PNPLA7: variants seen among roughly 807,000 people sequenced by gnomAD.
The protein encoded by PNPLA7 is patatin-like phospholipase domain-containing protein 7.
Under a neutral mutation model 161.7 loss-of-function variants are expected in PNPLA7, and 153 were observed. That is an observed-to-expected ratio of 0.95 (90% CI 0.83 to 1.08). The LOEUF (loss-of-function observed/expected upper bound fraction) is 1.08. PNPLA7 is among the 50% of genes least tolerant of loss of function. The probability of loss-of-function intolerance (pLI) is 0.00; values close to 1 mark genes in which losing one functional copy is unlikely to be tolerated. For missense variants in PNPLA7, 1,739 were observed against 1,856.6 expected, an observed-to-expected ratio of 0.94 and a Z score of 1.16; for synonymous variants, 809 against 782.1, an observed-to-expected ratio of 1.03 and a Z score of -0.57.
At chr9:137,521,273 A>G (rs1298915604) in intron 10 of PNPLA7, among the ~76,000 whole-genome samples, 1 of 152,200 alleles carries the variant, frequency 6.6e-6, no homozygotes. Flanking sequence ...CTCATCACAG[A>G]GTCCTGAATG....
chr9:137,470,052 G>T (rs949841902), intron 25 of PNPLA7, among the ~76,000 whole-genome samples: 1 of 151,962 alleles, frequency 6.6e-6, no homozygotes, highest in East Asian at 1.9e-4. Flanking sequence ...TTTAGACAGG[G>T]TCTAGCTCTC....
At chr9:137,484,912 G>C (rs1373613002) in intron 20 of PNPLA7, among the ~76,000 whole-genome samples, 176 bp from the exon 21 acceptor site, 1 of 151,684 alleles carries the variant, frequency 6.6e-6, no homozygotes, top group Non-Finnish European at 1.5e-5. Context: ...CCAGTCCTGA[G>C]GCTGCCTGGA....
At chr9:137,510,185 G>A (rs28490870) in intron 12 of PNPLA7, among the ~76,000 whole-genome samples, 15 of 152,206 alleles carry the variant, frequency 9.9e-5, no homozygotes, top group Admixed American at 7.8e-4. Context: ...TTAGCAGACC[G>A]GGAAAGGGAG....
chr9:137,474,575 T>A (rs1831853929), intron 25 of PNPLA7, among the ~76,000 whole-genome samples: 1 of 152,148 alleles, frequency 6.6e-6, no homozygotes, highest in African/African-American at 2.4e-5. Context: ...ACCTCAGAGA[T>A]GTTTTAGCAG....
In PNPLA7 at chr9:137,498,134, C is replaced by T. The variant is rs758375244; in HGVS notation, c.1869G>A (p.Glu623=). The change falls in exon 17 of 35, where the codon GAG becomes GAA. Residue 623 remains glutamate, a synonymous_variant. Transcript: ENST00000406427. The part of the protein sequence containing the change: ...IDFALDWVEV[E]AGRAIYRQGD... ...CTCACCTGTATATTGCTCGCCCGGC[C>T]TCCACCTCCACCCAGTCCAGGGCAA... is the stretch of plus-strand genomic sequence containing the variant. 4 of 1,612,972 alleles carry T rather than the reference C, an allele frequency of 2.5e-6. No individual in the cohort carries two copies. The highest frequency in any genetic ancestry group is 3.4e-6 in the Non-Finnish European group (4 of 1,179,974).
chr9:137,510,916 G>T (rs995538244), intron 12 of PNPLA7, among the ~76,000 whole-genome samples: 1 of 152,232 alleles, frequency 6.6e-6, no homozygotes, highest in African/African-American at 2.4e-5. Context: ...TTCGAAATAG[G>T]ATATAGAGAT....
chr9:137,513,476 CAA>C (rs11422303), intron 12 of PNPLA7, among the ~76,000 whole-genome samples: 10 of 122,436 alleles, frequency 8.2e-5, no homozygotes, highest in Non-Finnish European at 1.2e-4. Context: ...AACTCTGTCA[CAA>C]AAAAAAAAAA....
intron 29 of PNPLA7, 48 bp from the exon 30 acceptor site, chr9:137,462,881 C>T (rs894636571): frequency 6.2e-7 from 1 of 1,604,080 alleles, no homozygotes; most frequent in African/African-American, 1.3e-5. Context: ...CATGCAGAGC[C>T]AGGGGACGGG....
chr9:137,494,996 C>T, intron 19 of PNPLA7, 37 bp downstream of exon 19: 1 of 1,560,266 alleles, frequency 6.4e-7, no homozygotes, highest in Non-Finnish European at 8.8e-7. Flanking sequence ...ACTCCACACC[C>T]TCATCCGCTC....
chr9:137,475,010 CAAAAAAAAAAAA>C (rs58417100), intron 25 of PNPLA7, among the ~76,000 whole-genome samples: 2 of 63,612 alleles, frequency 3.1e-5, no homozygotes, highest in Non-Finnish European at 5.5e-5. Flanking sequence ...GACTCTGCCT[CAAAAAAAAAAAA>C]AAAAAAAAAA....
intron 18 of PNPLA7, 29 bp from the exon 19 acceptor site, chr9:137,495,175 G>A (rs376451591): frequency 7.4e-5 from 114 of 1,545,866 alleles, no homozygotes; most frequent in Non-Finnish European, 9.1e-5. Context: ...TGCTGGGGCC[G>A]CGGGCTTGGG....
chr9:137,495,285 T>C (rs1832993620), intron 18 of PNPLA7, 139 bp from the exon 19 acceptor site: 1 of 613,046 alleles, frequency 1.6e-6, no homozygotes. Flanking sequence ...AGTCAGTGAG[T>C]GCTGGCGGGC....
intron 12 of PNPLA7, chr9:137,509,736 G>A (rs1260851699): frequency 4.4e-6 from 2 of 456,082 alleles, no homozygotes; most frequent in African/African-American, 2.0e-5. Context: ...ACAGCAGTCG[G>A]ATGAGGCTGA....
chr9:137,461,328 T>A (rs1179149950), intron 33 of PNPLA7: 1 of 516,532 alleles, frequency 1.9e-6, no homozygotes, highest in Admixed American at 3.3e-5. Flanking sequence ...AGGGGCTGGG[T>A]GACCCGGGGT....
chr9:137,462,398 C>G lies in PNPLA7; in HGVS notation c.3493-67G>C, dbSNP rs561218312. On this transcript the variant is annotated intron_variant, in intron 30 of 34. Coordinates refer to ENST00000406427, the MANE Select transcript of PNPLA7 (RefSeq NM_001098537.3). Reference sequence around the variant, plus strand: ...TACCCCGTCCCAGCCTGGCCCGTGGCGCAGGACAGGTTCTGGGGACCCATC... The same window carrying G: ...TACCCCGTCCCAGCCTGGCCCGTGGGGCAGGACAGGTTCTGGGGACCCATC... The G allele has an allele frequency of 1.6e-5, 25 of 1,530,726 alleles. No homozygotes were observed. The South Asian group carries it at 2.9e-4, about 18-fold the overall frequency. 94.8% of individuals were successfully genotyped at this position (1,530,726 alleles called of 1,614,324 possible).
chr9:137,543,737 ACAGCACCTT>A lies in PNPLA7; in HGVS notation c.343_351del (p.Lys115_Leu117del). 1 of 1,614,070 alleles carries A rather than the reference ACAGCACCTT, an allele frequency of 6.2e-7. No homozygotes were observed. Among genetic ancestry groups the A allele is most frequent in the South Asian group, 1.1e-5 (1 of 91,086 alleles). On this transcript the variant is annotated inframe_deletion, in exon 5 of 35. Coordinates refer to ENST00000406427, the MANE Select transcript of PNPLA7 (RefSeq NM_001098537.3). The surrounding 1 kb of genome is among the most constrained non-coding windows in gnomAD (Gnocchi z 6.9). ...GACACACAGTACCTCTTGGCCAAAG[ACAGCACCTT>A]GGTCCTCTTCCTGGCCCGCTGCCGG...
intron 26 of PNPLA7, among the ~76,000 whole-genome samples, chr9:137,466,044 C>T (rs551559070): frequency 6.6e-6 from 1 of 152,292 alleles, no homozygotes; most frequent in East Asian, 1.9e-4. Context: ...GCCGCCCTGA[C>T]CTGATCTCAC....
intron 23 of PNPLA7, chr9:137,479,842 G>A (rs1019849602): frequency 1.2e-5 from 12 of 985,466 alleles, no homozygotes; most frequent in Non-Finnish European, 1.3e-5. Context: ...GCGTCCCGAA[G>A]GTGCCTGCAG....
chr9:137,478,212 C>T, intron 24 of PNPLA7, 60 bp from the exon 25 acceptor site: 1 of 1,197,830 alleles, frequency 8.3e-7, no homozygotes, highest in Non-Finnish European at 1.1e-6. Flanking sequence ...CGAGACCTCG[C>T]ATCCTGGCTT....
Sources: gnomAD v4.1 joint callset for allele counts (sites outside exome capture counted in the v4.1 genomes callset) on GRCh38, gnomAD v4.1.1 for gene constraint, Gnocchi (gnomAD v3.1) non-coding constraint, MANE v1.5 for transcripts, NCBI Gene and HGNC (gene_info 2026-07-23, HGNC 2026-07-21) for gene names.